PLCG2: variants seen among roughly 807,000 people sequenced by gnomAD.
The protein encoded by PLCG2 is phospholipase C gamma 2, also known as 1-phosphatidylinositol 4,5-bisphosphate phosphodiesterase gamma-2.
In PLCG2, 69 loss-of-function variants were observed where a neutral mutation model predicts 175.6. The observed-to-expected ratio is 0.39, with a 90% confidence interval of 0.32 to 0.48. The LOEUF (loss-of-function observed/expected upper bound fraction) is 0.48, where lower values mean the gene tolerates loss of function less well. Ranked by LOEUF, PLCG2 falls within the 20% of genes least tolerant of loss-of-function variation. The pLI, the probability that PLCG2 is intolerant of heterozygous loss-of-function variation, is 0.91. For synonymous variants in PLCG2, 827 were observed against 624.0 expected (o/e 1.33, Z -4.85); for missense variants, 1,798 against 1,650.9 (o/e 1.09, Z -1.54).
chr16:81,852,792 A>G (rs74248292), intron 2 of PLCG2, among the ~76,000 whole-genome samples: 50,862 of 152,102 alleles, frequency 0.33, 9,195 homozygotes, highest in East Asian at 0.57. Context: ...TGTGTTCCAC[A>G]TGTTGTCAGC....
rs181137456 is a variant in PLCG2, at chr16:81,802,350, G to A, written c.193+16168G>A. Among the ~76,000 whole-genome samples the A allele has an allele frequency of 1.9e-3, 286 of 151,208 alleles. 1 individual carries two copies. The highest frequency in any genetic ancestry group is 6.3e-3 in the African/African-American group (258 of 41,214). ...GATGGTCTCGATCTCCTGACCTCGT[G>A]ATCCACCCGCCTCGGCCTCCCAAAG... On this transcript the variant is annotated intron_variant, in intron 2 of 32. Coordinates refer to ENST00000564138, the MANE Select transcript of PLCG2 (RefSeq NM_002661.5).
At chr16:81,744,893 G>A (rs1178038359) in intron 1 of PLCG2, among the ~76,000 whole-genome samples, 1 of 152,150 alleles carries the variant, frequency 6.6e-6, no homozygotes, top group Non-Finnish European at 1.5e-5. Flanking sequence ...TAGGGCATCT[G>A]GAGAGGTGAA....
At chr16:81,939,573 G>T (rs1235269810) in intron 29 of PLCG2, among the ~76,000 whole-genome samples, 1 of 151,678 alleles carries the variant, frequency 6.6e-6, no homozygotes, top group Non-Finnish European at 1.5e-5. Context: ...CTCCCCTTTT[G>T]TCTTTTCCAA....
chr16:81,853,612 CG>C (rs1473266572), intron 2 of PLCG2, among the ~76,000 whole-genome samples: 4 of 152,156 alleles, frequency 2.6e-5, no homozygotes, highest in Non-Finnish European at 4.4e-5. Flanking sequence ...AATCTGATGC[CG>C]CTGCTGATCT....
upstream of PLCG2, among the ~76,000 whole-genome samples, chr16:81,778,056 A>AAC (rs1567457868): frequency 2.1e-4 from 22 of 103,962 alleles, 2 homozygotes; most frequent in African/African-American, 9.1e-4. Flanking sequence ...AAAAAAAAAC[A>AAC]AAAAAAACCA....
intron 30 of PLCG2, among the ~76,000 whole-genome samples, chr16:81,943,618 G>T (rs1414485451): frequency 2.6e-5 from 4 of 152,120 alleles, no homozygotes; most frequent in African/African-American, 9.7e-5. Context: ...CAGAATCTCA[G>T]GCCTCACCCC....
chr16:81,907,728 C>A lies in PLCG2; in HGVS notation c.1511C>A (p.Ser504Tyr). Residue 504 changes from serine to tyrosine, a missense_variant, in exon 16 of 33, where the codon TCC becomes TAC. Physicochemically the swap from Ser to Tyr is moderately radical, Grantham distance 144. Transcript: ENST00000564138. ...HYCAIADAKL[S>Y]FSDDIEQTME... ...TGCGCCATTGCCGATGCCAAGCTGT[C>A]CTTCAGTGATGACATTGAACAGACT... The A allele has an allele frequency of 1.9e-6, 3 of 1,614,024 alleles. No homozygotes were observed. The highest frequency in any genetic ancestry group is 2.5e-6 in the Non-Finnish European group (3 of 1,179,906).
intron 29 of PLCG2, among the ~76,000 whole-genome samples, chr16:81,939,277 G>C (rs753504562): frequency 3.9e-5 from 6 of 152,178 alleles, no homozygotes; most frequent in Non-Finnish European, 8.8e-5. Flanking sequence ...ACCTGACCCA[G>C]AGGATCAGCC....
chr16:81,814,119 G>A (rs1474769202), intron 2 of PLCG2, among the ~76,000 whole-genome samples: 2 of 152,150 alleles, frequency 1.3e-5, no homozygotes, highest in Non-Finnish European at 2.9e-5. Flanking sequence ...GGGAACCCAG[G>A]CTGGGGTCTG....
intron 23 of PLCG2, 27 bp downstream of exon 23, chr16:81,927,205 C>CA: frequency 6.7e-7 from 1 of 1,482,054 alleles, no homozygotes. Flanking sequence ...GATCCTCTTA[C>CA]AGGAAGAAGG....
At chr16:81,802,324 G>A (rs1911765983) in intron 2 of PLCG2, among the ~76,000 whole-genome samples, 1 of 151,210 alleles carries the variant, frequency 6.6e-6, no homozygotes, top group South Asian at 2.1e-4. Flanking sequence ...GTGTTAGCCA[G>A]GATGGTCTCG....
intron 14 of PLCG2, among the ~76,000 whole-genome samples, chr16:81,902,954 G>A (rs1156685207): frequency 1.3e-5 from 2 of 152,154 alleles, no homozygotes; most frequent in Non-Finnish European, 2.9e-5. Flanking sequence ...GCACGTGAAA[G>A]GCCCGCCCCC....
At chr16:81,900,502 G>C in intron 13 of PLCG2, 110 bp from the exon 14 acceptor site, 3 of 948,512 alleles carry the variant, frequency 3.2e-6, no homozygotes, top group Non-Finnish European at 1.5e-6. Context: ...TGTGCCCCCC[G>C]AGCAGCGCCC....
In PLCG2 at chr16:81,820,887, G is replaced by T. The variant is rs7202174; in HGVS notation, c.194-33557G>T. On this transcript the variant is annotated intron_variant, in intron 2 of 32. Transcript: ENST00000564138. ...CCGCCCACCTCAGCCTCCTGAGTAG[G>T]TGGGATTACAGGTGCACACCATCAT... 1.0e-3 allele frequency among the ~76,000 whole-genome samples: 143 copies of T among 142,828 alleles called. 3 individuals carry two copies. Among genetic ancestry groups the T allele is most frequent in the African/African-American group, 3.6e-3 (139 of 38,174 alleles). 93.7% of individuals were successfully genotyped at this position (142,828 alleles called of 152,430 possible). A position where few individuals can be genotyped will look rare whatever the true frequency, so the allele number is the denominator to read the frequency against.
chr16:81,813,519 G>C (rs1323386762), intron 2 of PLCG2, among the ~76,000 whole-genome samples: 1 of 152,180 alleles, frequency 6.6e-6, no homozygotes, highest in African/African-American at 2.4e-5. Flanking sequence ...CATTGATTTT[G>C]TATCCTGAGA....
At chr16:81,952,900 A>T (rs1911423441) in intron 31 of PLCG2, among the ~76,000 whole-genome samples, 2 of 152,226 alleles carry the variant, frequency 1.3e-5, no homozygotes, top group Admixed American at 6.5e-5. Flanking sequence ...GAAAGACAAA[A>T]ATAGCAGCTT....
intron 2 of PLCG2, among the ~76,000 whole-genome samples, chr16:81,826,782 C>T (rs992760858): frequency 1.3e-5 from 2 of 152,186 alleles, no homozygotes; most frequent in African/African-American, 4.8e-5. Context: ...CTTCCCAAAG[C>T]CACTTAGCTG....
At chr16:81,851,852 T>C (rs890376317) in intron 2 of PLCG2, among the ~76,000 whole-genome samples, 4 of 152,238 alleles carry the variant, frequency 2.6e-5, no homozygotes, top group African/African-American at 7.2e-5. Flanking sequence ...CTGTTTCTAA[T>C]TGAGCTAGAC....
At chr16:81,899,523 T>C (rs938950707) in intron 13 of PLCG2, among the ~76,000 whole-genome samples, 1 of 152,194 alleles carries the variant, frequency 6.6e-6, no homozygotes, top group Admixed American at 6.5e-5. Flanking sequence ...ACTCATGCGA[T>C]GCACACGTGT....
Sources: gnomAD v4.1 joint callset for allele counts (sites outside exome capture counted in the v4.1 genomes callset) on GRCh38, gnomAD v4.1.1 for gene constraint, MANE v1.5 for transcripts, NCBI Gene and HGNC (gene_info 2026-07-23, HGNC 2026-07-21) for gene names.